Variants in CNTN6 observed in about 807,000 individuals in gnomAD.
The protein encoded by CNTN6 is contactin 6, also known as contactin-6.
In CNTN6, 137 loss-of-function variants were observed where a neutral mutation model predicts 122.8. The ratio of observed to expected loss-of-function variants is 1.12; its 90% CI spans 0.97 to 1.29. The LOEUF is 1.29. Ranked by LOEUF, CNTN6 falls within the 50% of genes most tolerant of loss-of-function variation. The pLI, the probability that CNTN6 is intolerant of heterozygous loss-of-function variation, is 0.00. For missense variants in CNTN6, 1,634 were observed against 1,223.4 expected (o/e 1.34, Z -5.01); for synonymous variants, 570 against 426.0 (o/e 1.34, Z -4.16).
In CNTN6 at chr3:1,134,675, G is replaced by GT. The variant is rs918057289; in HGVS notation, c.-82-13244dup. ...GCTAATCTCCCTGAACCTGAGTTTT[G>GT]TTTTTTTTGTTTTTTGTTTTGTTTT... On this transcript the variant is annotated intron_variant, in intron 1 of 22. Coordinates refer to ENST00000446702, the MANE Select transcript of CNTN6 (RefSeq NM_001289080.2). 3.8e-4 allele frequency among the ~76,000 whole-genome samples: 58 copies of GT among 151,234 alleles called. No individual in the cohort carries two copies. The South Asian group carries it at 7.5e-3, about 20-fold the overall frequency.
intron 20 of CNTN6, among the ~76,000 whole-genome samples, chr3:1,388,711 T>A (rs990235579): frequency 4.1e-5 from 6 of 146,996 alleles, no homozygotes; most frequent in Admixed American, 3.4e-4. Flanking sequence ...TATAGAGAAG[T>A]GCTTAAAGGA....
intron 5 of CNTN6, among the ~76,000 whole-genome samples, chr3:1,289,431 A>C (rs909262452): frequency 6.6e-6 from 1 of 152,144 alleles, no homozygotes; most frequent in Non-Finnish European, 1.5e-5. Flanking sequence ...TGCTAGCTCT[A>C]TTCCCCTCTG....
chr3:1,333,276 G>C (rs1702574588), intron 11 of CNTN6, among the ~76,000 whole-genome samples: 1 of 152,006 alleles, frequency 6.6e-6, no homozygotes, highest in Non-Finnish European at 1.5e-5. Flanking sequence ...TGCTATATTT[G>C]AAAGGAGCAC....
At chr3:1,240,443 C>G (rs755715124) in intron 4 of CNTN6, among the ~76,000 whole-genome samples, 1 of 152,122 alleles carries the variant, frequency 6.6e-6, no homozygotes, top group African/African-American at 2.4e-5. Flanking sequence ...TGCCAATTAT[C>G]AGAAAAATGT....
intron 1 of CNTN6, among the ~76,000 whole-genome samples, chr3:1,103,819 A>G (rs1458065265): frequency 1.3e-5 from 2 of 152,180 alleles, no homozygotes; most frequent in Non-Finnish European, 1.5e-5. Context: ...AGATTCACAT[A>G]TATCTTTAGG....
chr3:1,183,121 A>AAAAG (rs1190667517), intron 2 of CNTN6, among the ~76,000 whole-genome samples: 1 of 152,204 alleles, frequency 6.6e-6, no homozygotes, highest in Non-Finnish European at 1.5e-5. Flanking sequence ...ATACGAAGAT[A>AAAAG]AAAGATTTTA....
chr3:1,244,128 C>T (rs2094525976), intron 4 of CNTN6, among the ~76,000 whole-genome samples: 1 of 152,066 alleles, frequency 6.6e-6, no homozygotes, highest in Non-Finnish European at 1.5e-5. Flanking sequence ...GTACTGGGGC[C>T]AAGCGGTGTT....
intron 2 of CNTN6, among the ~76,000 whole-genome samples, chr3:1,191,055 A>C (rs889134252): frequency 6.6e-6 from 1 of 152,204 alleles, no homozygotes; most frequent in Non-Finnish European, 1.5e-5. Context: ...CATAAGAAGA[A>C]ATATGTGTTT....
intron 5 of CNTN6, among the ~76,000 whole-genome samples, chr3:1,282,687 T>C (rs2125811455): frequency 1.3e-5 from 2 of 152,326 alleles, no homozygotes; most frequent in East Asian, 3.9e-4. Context: ...AAAACTTCAC[T>C]AAGATTCCTG....
chr3:1,096,532 T>G (rs1217781078), intron 1 of CNTN6, among the ~76,000 whole-genome samples: 3 of 152,216 alleles, frequency 2.0e-5, no homozygotes, highest in African/African-American at 7.2e-5. Flanking sequence ...TTTTCAATTT[T>G]AATTGACAAA....
At chr3:1,160,902 T>G (rs959207113) in intron 2 of CNTN6, among the ~76,000 whole-genome samples, 1 of 151,984 alleles carries the variant, frequency 6.6e-6, no homozygotes, top group African/African-American at 2.4e-5. Flanking sequence ...TAAATAGACA[T>G]CCAATTAAAA....
At chr3:1,136,633 C>A (rs1010501949) in intron 1 of CNTN6, among the ~76,000 whole-genome samples, 1 of 152,146 alleles carries the variant, frequency 6.6e-6, no homozygotes, top group Admixed American at 6.6e-5. Flanking sequence ...AGCTTTATAA[C>A]AACTCAGGGT....
At chr3:1,333,655 C>T (rs377712923) in intron 11 of CNTN6, among the ~76,000 whole-genome samples, 2 of 151,942 alleles carry the variant, frequency 1.3e-5, no homozygotes, top group African/African-American at 4.8e-5. Context: ...ACTCTTGCAG[C>T]CAATAAAGTA....
At chr3:1,349,155 T>C (rs943810849) in intron 11 of CNTN6, among the ~76,000 whole-genome samples, 3 of 151,962 alleles carry the variant, frequency 2.0e-5, no homozygotes, top group Non-Finnish European at 4.4e-5. Context: ...CATCATTTCA[T>C]GGTGCTCACA....
intron 2 of CNTN6, among the ~76,000 whole-genome samples, chr3:1,210,040 A>G (rs3772347): frequency 0.43 from 65,107 of 151,902 alleles, 14,579 homozygotes; most frequent in African/African-American, 0.57. Context: ...ATTTTTGAAC[A>G]TAGCTGACAA....
rs141514877 is a variant in CNTN6 at position 1,228,687 on chromosome 3, C to T, written c.358+694C>T. On this transcript the variant is annotated intron_variant, in intron 4 of 22. Coordinates refer to ENST00000446702, the MANE Select transcript of CNTN6 (RefSeq NM_001289080.2). Reference sequence around the variant, plus strand: ...TGGATAAAGTAGAAGGCTTGCATTTCTCCCTTTGCACCAACCATTATGTCC... The same window carrying T: ...TGGATAAAGTAGAAGGCTTGCATTTTTCCCTTTGCACCAACCATTATGTCC... Among the ~76,000 whole-genome samples the T allele has an allele frequency of 2.9e-3, 443 of 152,292 alleles. 7 individuals carry two copies. The highest frequency in any genetic ancestry group is 0.011 in the East Asian group (58 of 5,178).
At chr3:1,122,649 G>A (rs1457245566) in intron 1 of CNTN6, among the ~76,000 whole-genome samples, 1 of 151,748 alleles carries the variant, frequency 6.6e-6, no homozygotes, top group East Asian at 1.9e-4. Flanking sequence ...TCTGTCCTCT[G>A]CCTATGTAGA....
chr3:1,337,193 G>A (rs537967286), intron 11 of CNTN6, among the ~76,000 whole-genome samples: 1 of 152,226 alleles, frequency 6.6e-6, no homozygotes, highest in South Asian at 2.1e-4. Flanking sequence ...CACAGCCATT[G>A]CCCAATACTT....
intron 4 of CNTN6, among the ~76,000 whole-genome samples, chr3:1,270,334 T>C (rs995239498): frequency 6.6e-6 from 1 of 152,152 alleles, no homozygotes; most frequent in Non-Finnish European, 1.5e-5. Context: ...AAGAGAAGCA[T>C]GGAGAGATAC....
Sources: allele counts gnomAD v4.1 joint callset (sites outside exome capture counted in the v4.1 genomes callset), GRCh38; gene constraint gnomAD v4.1.1; transcripts MANE v1.5; gene names NCBI Gene and HGNC (gene_info 2026-07-23, HGNC 2026-07-21).